The following ELAPOR2 variants were observed in gnomAD, a reference collection of about 807,000 sequenced individuals.
ELAPOR2 encodes endosome-lysosome associated apoptosis and autophagy regulator family member 2, also known as endosome/lysosome-associated apoptosis and autophagy regulator family member 2.
In ELAPOR2, 89 loss-of-function variants were observed where a neutral mutation model predicts 120.7. The ratio of observed to expected loss-of-function variants is 0.74; its 90% CI spans 0.62 to 0.88. ELAPOR2 has a LOEUF of 0.88. Ranked by LOEUF, ELAPOR2 falls within the 40% of genes least tolerant of loss-of-function variation. The pLI, the probability that ELAPOR2 is intolerant of heterozygous loss-of-function variation, is 0.00. For synonymous variants in ELAPOR2, 444 were observed against 444.9 expected (o/e 1.00, Z 0.03); for missense variants, 1,134 against 1,251.6 (o/e 0.91, Z 1.42).
At chr7:86,964,549 A>G (rs956622226) in intron 2 of ELAPOR2, among the ~76,000 whole-genome samples, 1 of 152,234 alleles carries the variant, frequency 6.6e-6, no homozygotes, top group Non-Finnish European at 1.5e-5. Flanking sequence ...ACACTTAGAA[A>G]TGGTGACGAT....
rs151007085 is a variant in ELAPOR2, at chr7:86,891,644, T to C, written c.3030+80A>G. On this transcript the variant is annotated intron_variant, in intron 21 of 21. Coordinates refer to ENST00000450689, the MANE Select transcript of ELAPOR2 (RefSeq NM_001142749.3). ...GATATAAACATGCAAAATAACAGCT[T>C]GCGTGAATGCTATTATTAGGTTAAT... The C allele has an allele frequency of 1.4e-5, 17 of 1,185,530 alleles. No homozygotes were observed. In the African/African-American group the frequency reaches 2.3e-4, roughly 16 times the overall value. 73.4% of individuals were successfully genotyped at this position (1,185,530 alleles called of 1,614,324 possible).
chr7:86,959,267 C>T (rs62488046), intron 2 of ELAPOR2, among the ~76,000 whole-genome samples: 8,612 of 152,172 alleles, frequency 0.057, 362 homozygotes, highest in Middle Eastern at 0.1. Flanking sequence ...CATCTGCAAA[C>T]GGAAATAATT....
intron 1 of ELAPOR2, among the ~76,000 whole-genome samples, chr7:87,009,133 G>A (rs1056567655): frequency 1.3e-5 from 2 of 152,190 alleles, no homozygotes; most frequent in South Asian, 4.1e-4. Context: ...TATGAGACAT[G>A]GTATGTATCT....
intron 2 of ELAPOR2, among the ~76,000 whole-genome samples, chr7:86,958,730 G>A (rs1209543690): frequency 6.6e-6 from 1 of 152,200 alleles, no homozygotes; most frequent in Non-Finnish European, 1.5e-5. Context: ...ATTCACCTCA[G>A]AGAGCCTCAG....
rs1050843856 is a variant in ELAPOR2 at position 87,045,761 on chromosome 7, AAAAT to A, written c.189+13560_189+13563del. On this transcript the variant is annotated intron_variant, in intron 1 of 21. Coordinates refer to ENST00000450689, the MANE Select transcript of ELAPOR2 (RefSeq NM_001142749.3). Reference sequence around the variant, plus strand: ...TACCCTAAAACTTAAAGTATAATAAAAAATAAATAAATAAAAAATATATATAAAA... The same window carrying A: ...TACCCTAAAACTTAAAGTATAATAAAAAATAAATAAAAAATATATATAAAA... 2.6e-5 allele frequency among the ~76,000 whole-genome samples: 4 copies of A among 151,532 alleles called. 1 individual carries two copies. Among genetic ancestry groups the A allele is most frequent in the South Asian group, 4.1e-4 (2 of 4,828 alleles).
intron 12 of ELAPOR2, among the ~76,000 whole-genome samples, chr7:86,918,050 C>T (rs1429743704): frequency 6.6e-6 from 1 of 152,030 alleles, no homozygotes; most frequent in East Asian, 1.9e-4. Context: ...CCATTATTTT[C>T]TGCTCTTACT....
chr7:86,894,491 T>C (rs1349324452), intron 19 of ELAPOR2, among the ~76,000 whole-genome samples: 1 of 151,964 alleles, frequency 6.6e-6, no homozygotes, highest in Non-Finnish European at 1.5e-5. Flanking sequence ...CAATGCCCAA[T>C]GAGAACAGCA....
chr7:87,016,884 TAAAAG>T (rs1006334495), intron 1 of ELAPOR2, among the ~76,000 whole-genome samples: 1 of 151,918 alleles, frequency 6.6e-6, no homozygotes, highest in African/African-American at 2.4e-5. Flanking sequence ...CATGATCAAA[TAAAAG>T]AAATCTCCTT....
chr7:86,927,671 C>T (rs2116243284), intron 8 of ELAPOR2, among the ~76,000 whole-genome samples: 1 of 152,062 alleles, frequency 6.6e-6, no homozygotes, highest in Non-Finnish European at 1.5e-5. Context: ...CCATTATTAT[C>T]AAATTTTTAT....
In ELAPOR2 at chr7:86,915,366, C is replaced by T. The variant is rs375544017; in HGVS notation, c.1594-506G>A. Among the ~76,000 whole-genome samples, 10 of 152,054 alleles carry T rather than the reference C, an allele frequency of 6.6e-5. No homozygotes were observed. In the East Asian group the frequency reaches 1.5e-3, roughly 24 times the overall value. The stretch of plus-strand genomic sequence containing the variant: ...GTTCCAGGGTGACTTTATCCAAGTG[C>T]ATGTTAAGCAGAATGTTATTTAATG... On this transcript the variant is annotated intron_variant, in intron 12 of 21. Transcript: ENST00000450689.
At chr7:87,014,349 C>A (rs1793796024) in intron 1 of ELAPOR2, among the ~76,000 whole-genome samples, 1 of 152,248 alleles carries the variant, frequency 6.6e-6, no homozygotes, top group Middle Eastern at 3.4e-3. Flanking sequence ...TTCATGGCAA[C>A]TTCACAGATC....
chr7:86,940,137 C>CTAAG, intron 5 of ELAPOR2, 22 bp from the exon 6 acceptor site: 1 of 1,490,122 alleles, frequency 6.7e-7, no homozygotes, highest in Non-Finnish European at 9.3e-7. Context: ...AACATAAAGG[C>CTAAG]ACTTAGGGCA....
rs1562918737 is a variant in ELAPOR2, at chr7:86,914,825, C to T, written c.1629G>A (p.Ser543=). 2 of 1,611,408 alleles carry T rather than the reference C, an allele frequency of 1.2e-6. No individual in the cohort carries two copies. Among genetic ancestry groups the T allele is most frequent in the South Asian group, 1.1e-5 (1 of 90,634 alleles). ...CTTGTTTTTCTTTGGTTCCACCCCA[C>T]GATTCTACCACATTTGTACTTTTTC... ...INRKSTNVVE[S]WGGTKEKQAY... Residue 543 remains serine, a synonymous_variant, in exon 13 of 22, where the codon TCG becomes TCA. Coordinates refer to ENST00000450689, the MANE Select transcript of ELAPOR2 (RefSeq NM_001142749.3).
intron 10 of ELAPOR2, among the ~76,000 whole-genome samples, chr7:86,920,605 T>A (rs1209958834): frequency 2.0e-5 from 3 of 152,110 alleles, no homozygotes; most frequent in Non-Finnish European, 4.4e-5. Flanking sequence ...GAGCTAAGTT[T>A]GGAGGATTAA....
chr7:86,916,194 A>G (rs1350324685), intron 12 of ELAPOR2, among the ~76,000 whole-genome samples: 1 of 152,180 alleles, frequency 6.6e-6, no homozygotes, highest in Non-Finnish European at 1.5e-5. Flanking sequence ...GTCAAGTGGG[A>G]GAGACAAAAA....
rs1338688820 is a variant in ELAPOR2, at chr7:86,942,013, C to T, written c.741+5G>A. On this transcript the variant is annotated splice_donor_5th_base_variant and intron_variant, in intron 5 of 21. Transcript: ENST00000450689. The stretch of plus-strand genomic sequence containing the variant: ...CAAAGAAGAAGGAAATACAAAGAGA[C>T]TTACAGAATGAGAGCCCCATTCTCC... The T allele has an allele frequency of 2.0e-6, 3 of 1,532,312 alleles. No homozygotes were observed. Among genetic ancestry groups the T allele is most frequent in the Non-Finnish European group, 2.7e-6 (3 of 1,130,078 alleles). The allele number at this position is 1,532,312 out of a possible 1,614,324, so 94.9% of individuals were successfully genotyped here.
Position 86,879,495 on chromosome 7 carries a change from A to G in ELAPOR2, c.*976T>C, listed in dbSNP as rs1302661142. 6.6e-6 allele frequency: 1 copy of G among 152,186 alleles called. No individual in the cohort carries two copies. Among genetic ancestry groups the G allele is most frequent in the Non-Finnish European group, 1.5e-5 (1 of 68,028 alleles). The allele number at this position is 152,186 out of a possible 1,614,324, so 9.4% of individuals were successfully genotyped here. On this transcript the variant is annotated 3_prime_UTR_variant, in exon 22 of 22. Coordinates refer to ENST00000450689, the MANE Select transcript of ELAPOR2 (RefSeq NM_001142749.3). ...CTCAAAGTCTTGCAGCAGAAAAATA[A>G]CCATATAACCTCTGGTGCTTGACAA...
At chr7:86,955,299 C>T (rs1055439133) in intron 2 of ELAPOR2, among the ~76,000 whole-genome samples, 8 of 152,102 alleles carry the variant, frequency 5.3e-5, no homozygotes, top group African/African-American at 1.9e-4. Flanking sequence ...TACATTAAAA[C>T]AGGCCATTTC....
intron 21 of ELAPOR2, chr7:86,891,108 T>A (rs1468954867): frequency 1.3e-5 from 2 of 152,070 alleles, no homozygotes; most frequent in Admixed American, 1.3e-4. Flanking sequence ...AAGCCAGCAA[T>A]ATTTTACCTC....
Sources: allele counts gnomAD v4.1 joint callset (sites outside exome capture counted in the v4.1 genomes callset), GRCh38; gene constraint gnomAD v4.1.1; transcripts MANE v1.5; gene names NCBI Gene and HGNC (gene_info 2026-07-23, HGNC 2026-07-21).